LMF2: variants seen among roughly 807,000 people sequenced by gnomAD.
The protein encoded by LMF2 is lipase maturation factor 2, also known as transmembrane protein 112B.
Under a neutral mutation model 81.5 loss-of-function variants are expected in LMF2, and 113 were observed. The observed-to-expected ratio is 1.39, with a 90% CI of 1.19 to 1.62. The LOEUF is 1.62. Ranked by LOEUF, LMF2 falls within the 40% of genes most tolerant of loss-of-function variation. The pLI, the probability that LMF2 is intolerant of heterozygous loss-of-function variation, is 0.00. For synonymous variants in LMF2, 645 were observed against 424.5 expected (o/e 1.52, Z -6.39); for missense variants, 1,235 against 929.1 (o/e 1.33, Z -4.28).
chr22:50,504,475 G>A, intron 11 of LMF2, 24 bp from the exon 12 acceptor site: 7 of 1,600,960 alleles, frequency 4.4e-6, no homozygotes, highest in Non-Finnish European at 5.1e-6. Flanking sequence ...CATCAGCGTG[G>A]CCCCCACAGT....
chr22:50,507,318 A>G, intron 1 of LMF2: 1 of 604,448 alleles, frequency 1.7e-6, no homozygotes, highest in Non-Finnish European at 2.9e-6. Context: ...CTGTCCCACC[A>G]GGTCTGGGAG....
At position 50,506,130 on chromosome 22, in the gene LMF2, G is replaced by C; in HGVS notation, c.679C>G (p.Leu227Val). 6.3e-7 allele frequency: 1 copy of C among 1,578,596 alleles called. No individual in the cohort carries two copies. Among genetic ancestry groups the C allele is most frequent in the Non-Finnish European group, 8.6e-7 (1 of 1,162,220 alleles). ...AHHLPVWLHK[L>V]SVVATFLIEI... ...ATTAGGAAGGTGGCCACCACGCTGA[G>C]CTTGTGCAGCCAGACCGGCAGGTGG... Residue 227 changes from leucine (L) to valine (V), a missense_variant, in exon 5 of 14, where the codon CTC becomes GTC. Transcript: ENST00000474879.
At position 50,503,863 on chromosome 22, in the gene LMF2, G is replaced by T. The variant is rs1003965769; in HGVS notation, c.1760C>A (p.Ser587Tyr). The change falls in exon 13 of 14, where the codon TCC (serine) becomes TAC (tyrosine). Residue 587 changes from serine (S) to tyrosine (Y), a missense_variant. By Grantham distance (144) the Ser-to-Tyr change is moderately radical. Transcript: ENST00000474879. ...RRQWVEEFFP[S>Y]VSLGDPTLET... The stretch of plus-strand genomic sequence containing the variant: ...CAGCGTGGGGTCCCCCAGGGACACG[G>T]ATGGGAAGAACTCCTCCACCCACTG... The T allele has an allele frequency of 5.0e-6, 8 of 1,606,190 alleles. No individual in the cohort carries two copies. Among genetic ancestry groups the T allele is most frequent in the Non-Finnish European group, 6.8e-6 (8 of 1,179,496 alleles).
rs554546125 is a variant in LMF2, at chr22:50,503,919, G to C, written c.1719-15C>G. The stretch of plus-strand genomic sequence containing the variant: ...GCCACCACTGGCTGCAGCAGGACCC[G>C]ATGTTCAGAAGCTGGAGGCACCCCG... On this transcript the variant is annotated splice_polypyrimidine_tract_variant and intron_variant, in intron 12 of 13. Transcript: ENST00000474879. The C allele has an allele frequency of 3.7e-6, 6 of 1,602,802 alleles. No individual in the cohort carries two copies. The South Asian group carries it at 4.4e-5, about 12-fold the overall frequency.
intron 11 of LMF2, 44 bp from the exon 12 acceptor site, chr22:50,504,495 G>GGCCCCAC: frequency 3.0e-6 from 4 of 1,339,586 alleles, no homozygotes; most frequent in Admixed American, 1.9e-5. Context: ...TACCCGCCCT[G>GGCCCCAC]CCCCTCCCCT....
chr22:50,503,816 C>T lies in LMF2; in HGVS notation c.1807G>A (p.Gly603Arg), dbSNP rs145715511. Residue 603 changes from glycine (G) to arginine (R), a missense_variant, in exon 13 of 14, where the codon GGA (glycine) becomes AGA (arginine). By Grantham distance (125) the Gly-to-Arg change is moderately radical. Transcript: ENST00000474879. ...GGCTGACACCCCCTTACCTGTAGTC[C>T]AAACTGCCTGAGCAGCGTCTCCAGC... The part of the protein sequence containing the change: ...PTLETLLRQF[G>R]LQEKSPPRTR... 6.9e-6 allele frequency: 11 copies of T among 1,605,386 alleles called. No individual in the cohort carries two copies. The African/African-American group carries it at 1.3e-4, about 20-fold the overall frequency.
chr22:50,506,172 C>G lies in LMF2; in HGVS notation c.637G>C (p.Ala213Pro). 1 of 1,563,998 alleles carries G rather than the reference C, an allele frequency of 6.4e-7. No homozygotes were observed. Among genetic ancestry groups the G allele is most frequent in the Non-Finnish European group, 8.7e-7 (1 of 1,154,302 alleles). The change falls in exon 5 of 14, where the codon GCC (alanine) becomes CCC (proline). Residue 213 changes from alanine to proline, a missense_variant. By Grantham distance (27) the Ala-to-Pro change is conservative. Coordinates refer to ENST00000474879, the MANE Select transcript of LMF2 (RefSeq NM_033200.3). ...GGCAGGTGGTGTGCGAACCAGGCGGCGGGCGTGGGCAGGCACTGGGTCTCG... is the reference window on the plus strand; with the variant it reads ...GGCAGGTGGTGTGCGAACCAGGCGGGGGGCGTGGGCAGGCACTGGGTCTCG... ...HYETQCLPTP[A>P]AWFAHHLPVW...
chr22:50,503,163 G>A lies in LMF2; in HGVS notation c.*228C>T, dbSNP rs746735133. On this transcript the variant is annotated 3_prime_UTR_variant, in exon 14 of 14. Coordinates refer to ENST00000474879, the MANE Select transcript of LMF2 (RefSeq NM_033200.3). ...TGAGCTTGGTCGTGTTTTCCTCCTG[G>A]GCCAATCACAGAGGCAATAGTGGGA... 5 of 532,132 alleles carry A rather than the reference G, an allele frequency of 9.4e-6. No individual in the cohort carries two copies. The highest frequency in any genetic ancestry group is 9.8e-6 in the Non-Finnish European group (3 of 305,516). 33.0% of individuals were successfully genotyped at this position (532,132 alleles called of 1,614,324 possible). A position where few individuals can be genotyped will look rare whatever the true frequency, so the allele number is the denominator to read the frequency against.
chr22:50,505,933 C>T (rs2068551048), intron 5 of LMF2, 102 bp downstream of exon 5: 4 of 1,568,746 alleles, frequency 2.5e-6, no homozygotes, highest in South Asian at 1.2e-5. Flanking sequence ...CAGCGGTTGC[C>T]AGCTGTCCCC....
In LMF2 at chr22:50,504,386, G is replaced by A. The variant is rs762357142; in HGVS notation, c.1672C>T (p.Arg558Ter). The change falls in exon 12 of 14, where the codon CGA (arginine) becomes TGA (stop). Residue 558 changes from arginine (R) to a stop codon, truncating the protein, a stop_gained. Transcript: ENST00000474879. LOFTEE classifies it high-confidence loss of function. The stretch of plus-strand genomic sequence containing the variant: ...AACCAGTACTTGTAGCGCTGGGCTC[G>A]GACGTAGGTGGGCGGCTGCTTGTGG... ...PFHKQPPTYV[R>*]AQRYKYWFSQ... 2.4e-5 allele frequency: 39 copies of A among 1,612,110 alleles called. No homozygotes were observed. The highest frequency in any genetic ancestry group is 2.0e-4 in the Admixed American group (12 of 59,930).
rs2068452324 is a variant in LMF2, at chr22:50,503,232, C to T, written c.*159G>A. The T allele has an allele frequency of 5.9e-6, 4 of 674,520 alleles. No individual in the cohort carries two copies. In the East Asian group the frequency reaches 1.3e-4, roughly 21 times the overall value. The allele number at this position is 674,520 out of a possible 1,614,324, so 41.8% of individuals were successfully genotyped here. ...GCTGGCGTGGGGGTGGGGCCTGGAG[C>T]CCTCAATGCAGCACCCTGCAAACCC... is the stretch of plus-strand genomic sequence containing the variant. On this transcript the variant is annotated 3_prime_UTR_variant, in exon 14 of 14. Coordinates refer to ENST00000474879, the MANE Select transcript of LMF2 (RefSeq NM_033200.3).
Position 50,505,551 on chromosome 22 carries a change from C to G in LMF2, c.917-14G>C. ...CCTTGGGCCAGGCTGTGGGGCAGGA[C>G]AGTCATGGGTCAGCAGAGGGTCCCC... On this transcript the variant is annotated splice_polypyrimidine_tract_variant and intron_variant, in intron 6 of 13. Transcript: ENST00000474879. 6.2e-7 allele frequency: 1 copy of G among 1,612,294 alleles called. No individual in the cohort carries two copies. The highest frequency in any genetic ancestry group is 1.7e-4 in the Middle Eastern group (1 of 6,050).
Position 50,506,442 on chromosome 22 carries a change from G to C in LMF2, c.438C>G (p.Ala146=). The C allele has an allele frequency of 1.3e-6, 2 of 1,550,916 alleles. No individual in the cohort carries two copies. Among genetic ancestry groups the C allele is most frequent in the East Asian group, 4.8e-5 (2 of 41,426 alleles). The change falls in exon 4 of 14, where the codon GCC becomes GCG. Residue 146 remains alanine, a synonymous_variant. Coordinates refer to ENST00000474879, the MANE Select transcript of LMF2 (RefSeq NM_033200.3). ...CCTGGGGGGCCTCCTTGCGGTGGGA[G>C]GCTGGCCTCAGCGGGGCCACCAGCA... ...LAVLVAPLRP[A]SHRKEAPQGR... is the part of the protein sequence containing the mutation.
chr22:50,505,349 G>A lies in LMF2; in HGVS notation c.1052-15C>T, dbSNP rs1263138589. 5 of 1,613,156 alleles carry A rather than the reference G, an allele frequency of 3.1e-6. No homozygotes were observed. The highest frequency in any genetic ancestry group is 2.7e-5 in the African/African-American group (2 of 74,952). ...GAAGGTGAAAGCTGGTGGAGGAGGG[G>A]GGTGTGAGGACTGGTCCGCCCCTGC... On this transcript the variant is annotated splice_polypyrimidine_tract_variant and intron_variant, in intron 7 of 13. Coordinates refer to ENST00000474879, the MANE Select transcript of LMF2 (RefSeq NM_033200.3).
At position 50,505,395 on chromosome 22, in the gene LMF2, G is replaced by C; in HGVS notation, c.1051+8C>G. 1 of 1,613,180 alleles carries C rather than the reference G, an allele frequency of 6.2e-7. No homozygotes were observed. Among genetic ancestry groups the C allele is most frequent in the Non-Finnish European group, 8.5e-7 (1 of 1,180,024 alleles). On this transcript the variant is annotated splice_region_variant and intron_variant, in intron 7 of 13. Transcript: ENST00000474879. Reference sequence around the variant, plus strand: ...CCTGCCCTCTGGCCCCCCCAGGTCGGCACTCACTGGTTCTGGAGTGGATGG... The same window carrying C: ...CCTGCCCTCTGGCCCCCCCAGGTCGCCACTCACTGGTTCTGGAGTGGATGG...
In LMF2 at chr22:50,504,681, G is replaced by T. The variant is rs749759866; in HGVS notation, c.1484C>A (p.Pro495Gln). 2 of 1,608,880 alleles carry T rather than the reference G, an allele frequency of 1.2e-6. No individual in the cohort carries two copies. Among genetic ancestry groups the T allele is most frequent in the Non-Finnish European group, 8.5e-7 (1 of 1,179,268 alleles). ...GCGTGGCTGGTGGGGCACCACAACC[G>T]GGGGCGGCCGGCTCAGGTTCCCAGG... ...YKPGNLSRPP[P>Q]VVVPHQPRLD... The change falls in exon 11 of 14, where the codon CCG becomes CAG. Residue 495 changes from proline (P) to glutamine (Q), a missense_variant. Physicochemically the swap from Pro to Gln is moderately conservative, Grantham distance 76. Transcript: ENST00000474879.
At position 50,504,725 on chromosome 22, in the gene LMF2, C is replaced by G. The variant is rs766175327; in HGVS notation, c.1440G>C (p.Glu480Asp). The change falls in exon 11 of 14, where the codon GAG becomes GAC. Residue 480 changes from glutamate (E) to aspartate (D), a missense_variant and splice_region_variant. Coordinates refer to ENST00000474879, the MANE Select transcript of LMF2 (RefSeq NM_033200.3). ...EGSYDGHHWT[E>D]IEFMYKPGNL... Reference sequence around the variant, plus strand: ...TCCCAGGCTTGTACATGAACTCGATCTCCTGCCAGGCAGGCCGAGGTCAGC... The same window carrying G: ...TCCCAGGCTTGTACATGAACTCGATGTCCTGCCAGGCAGGCCGAGGTCAGC... The G allele has an allele frequency of 6.2e-7, 1 of 1,609,630 alleles. No individual in the cohort carries two copies. Among genetic ancestry groups the G allele is most frequent in the South Asian group, 1.1e-5 (1 of 91,050 alleles).
Position 50,506,986 on chromosome 22 carries a change from A to C in LMF2, c.144T>G (p.Pro48=). The C allele has an allele frequency of 6.3e-7, 1 of 1,594,000 alleles. No individual in the cohort carries two copies. Among genetic ancestry groups the C allele is most frequent in the Non-Finnish European group, 8.5e-7 (1 of 1,176,910 alleles). ...GILPARRTLR[P]QGKGRWQQLW... ...GCTGCTGCCAGCGCCCCTTGCCCTG[A>C]GGCCGCAGCGTCCTCCTTGCAGGTA... Residue 48 remains proline (P), a synonymous_variant, in exon 2 of 14, where the codon CCT becomes CCG. Coordinates refer to ENST00000474879, the MANE Select transcript of LMF2 (RefSeq NM_033200.3).
Position 50,503,701 on chromosome 22 carries a change from T to C in LMF2, c.1816-2A>G. The stretch of plus-strand genomic sequence containing the variant: ...GCGGGTGCGAGGTGGGCTTTTCTCC[T>C]GTGGGAGGGAGGGAGGGAGGGAGGT... On this transcript the variant is annotated splice_acceptor_variant, in intron 13 of 13. Transcript: ENST00000474879. LOFTEE classifies it high-confidence loss of function. The C allele has an allele frequency of 2.6e-6, 2 of 768,688 alleles. No individual in the cohort carries two copies. The highest frequency in any genetic ancestry group is 1.4e-5 in the South Asian group (1 of 73,196). The allele number at this position is 768,688 out of a possible 1,614,324, so 47.6% of individuals were successfully genotyped here.
Sources: gnomAD v4.1 joint callset for allele counts on GRCh38, gnomAD v4.1.1 for gene constraint, MANE v1.5 for transcripts, NCBI Gene and HGNC (gene_info 2026-07-23, HGNC 2026-07-21) for gene names.